Variants in MCC observed in about 807,000 individuals in gnomAD.
MCC encodes the protein MCC regulator of Wnt signaling pathway, also known as colorectal mutant cancer protein.
In MCC, 90 loss-of-function variants were observed where a neutral mutation model predicts 116.2. The ratio of observed to expected loss-of-function variants is 0.77; its 90% CI spans 0.65 to 0.92. The LOEUF (loss-of-function observed/expected upper bound fraction) is 0.92, where lower values mean the gene tolerates loss of function less well. Ranked by LOEUF, MCC falls within the 40% of genes least tolerant of loss-of-function variation. The pLI, the probability that MCC is intolerant of heterozygous loss-of-function variation, is 0.00. For synonymous variants in MCC, 578 were observed against 510.5 expected (o/e 1.13, Z -1.78); for missense variants, 1,516 against 1,312.2 (o/e 1.16, Z -2.40).
At chr5:113,034,063 C>CTT (rs35834150) in intron 17 of MCC, among the ~76,000 whole-genome samples, 58,327 of 136,078 alleles carry the variant, frequency 0.43, 13,761 homozygotes, top group East Asian at 0.61. Context: ...ATTTTTAAAA[C>CTT]TTTTTTTTTT....
At chr5:113,399,401 A>T (rs7732281) in intron 1 of MCC, among the ~76,000 whole-genome samples, 3 of 151,848 alleles carry the variant, frequency 2.0e-5, no homozygotes, top group African/African-American at 4.8e-5. Flanking sequence ...AGAAGAATGG[A>T]GTGAACCCGG....
At chr5:113,359,410 G>A (rs1227249999) in intron 2 of MCC, among the ~76,000 whole-genome samples, 3 of 152,206 alleles carry the variant, frequency 2.0e-5, no homozygotes, top group Non-Finnish European at 4.4e-5. Flanking sequence ...ATGTCTTTAA[G>A]CACAGGCCTG....
At chr5:113,308,467 C>T (rs1398618088) in intron 3 of MCC, among the ~76,000 whole-genome samples, 1 of 152,206 alleles carries the variant, frequency 6.6e-6, no homozygotes, top group East Asian at 1.9e-4. Flanking sequence ...ACTCCCTCCT[C>T]AGGTTGCCCC....
chr5:113,473,895 A>T (rs1772161371), intron 1 of MCC, among the ~76,000 whole-genome samples: 1 of 152,164 alleles, frequency 6.6e-6, no homozygotes, highest in African/African-American at 2.4e-5. Flanking sequence ...AATCCATAAA[A>T]ATCAAAGTAT....
chr5:113,400,943 CA>C (rs1769666869), intron 1 of MCC, among the ~76,000 whole-genome samples: 2 of 152,118 alleles, frequency 1.3e-5, no homozygotes, highest in African/African-American at 4.8e-5. Context: ...AGTGTCCTTC[CA>C]AAAATCCCAC....
intron 4 of MCC, 136 bp from the exon 5 acceptor site, chr5:113,143,496 C>A: frequency 1.1e-6 from 1 of 886,858 alleles, no homozygotes; most frequent in Non-Finnish European, 1.7e-6. Flanking sequence ...GTCAGCTCAT[C>A]GGCTGGCAAT....
At chr5:113,432,247 C>T (rs185344462) in intron 1 of MCC, among the ~76,000 whole-genome samples, 1 of 143,252 alleles carries the variant, frequency 7.0e-6, no homozygotes, top group Non-Finnish European at 1.5e-5. Context: ...AACCCAGAAC[C>T]GGGAGGCAGA....
intron 3 of MCC, among the ~76,000 whole-genome samples, chr5:113,259,199 A>C (rs1434676230): frequency 6.6e-6 from 1 of 152,266 alleles, no homozygotes; most frequent in African/African-American, 2.4e-5. Context: ...CAACTTCTAC[A>C]GGAACCAAAG....
chr5:113,206,235 C>T (rs1762904934), intron 3 of MCC, among the ~76,000 whole-genome samples: 2 of 152,186 alleles, frequency 1.3e-5, no homozygotes, highest in South Asian at 2.1e-4. Flanking sequence ...CCCTGGTCCT[C>T]GGATGCCCCA....
At chr5:113,378,377 A>C (rs1447253544) in intron 2 of MCC, among the ~76,000 whole-genome samples, 1 of 152,216 alleles carries the variant, frequency 6.6e-6, no homozygotes, top group East Asian at 1.9e-4. Flanking sequence ...AGGCTGACAC[A>C]TCAGGTGAGA....
chr5:113,043,082 G>A lies in MCC; in HGVS notation c.2756+448C>T, dbSNP rs986821864. 2.6e-5 allele frequency among the ~76,000 whole-genome samples: 4 copies of A among 152,256 alleles called. No homozygotes were observed. The East Asian group carries it at 5.8e-4, about 22-fold the overall frequency. On this transcript the variant is annotated intron_variant, in intron 17 of 18. Coordinates refer to ENST00000408903, the MANE Select transcript of MCC (RefSeq NM_001085377.2). Reference sequence around the variant, plus strand: ...GCAGGAGGAGATAAAGAACTGGGGGGCGGTGAGGGGAAAGAAACACTGAAA... The same window carrying A: ...GCAGGAGGAGATAAAGAACTGGGGGACGGTGAGGGGAAAGAAACACTGAAA...
chr5:113,067,530 G>A (rs955848301), intron 13 of MCC, among the ~76,000 whole-genome samples: 11 of 152,168 alleles, frequency 7.2e-5, no homozygotes, highest in African/African-American at 2.4e-4. Flanking sequence ...CCAGCTACTT[G>A]GGAGGCTGAG....
At chr5:113,368,840 G>T (rs1768767299) in intron 2 of MCC, among the ~76,000 whole-genome samples, 1 of 152,116 alleles carries the variant, frequency 6.6e-6, no homozygotes, top group Non-Finnish European at 1.5e-5. Flanking sequence ...TGCCCACCCT[G>T]CCACCCTGCC....
At chr5:113,265,753 T>C (rs1483709590) in intron 3 of MCC, among the ~76,000 whole-genome samples, 2 of 152,034 alleles carry the variant, frequency 1.3e-5, no homozygotes, top group Non-Finnish European at 2.9e-5. Flanking sequence ...CCAACCCCTC[T>C]AGTTCATACG....
At chr5:113,411,809 C>G (rs894072184) in intron 1 of MCC, among the ~76,000 whole-genome samples, 2 of 152,148 alleles carry the variant, frequency 1.3e-5, no homozygotes, top group Non-Finnish European at 2.9e-5. Flanking sequence ...GCTTTTGTTG[C>G]CATTGCTTTC....
intron 1 of MCC, among the ~76,000 whole-genome samples, chr5:113,444,484 G>A (rs1447712442): frequency 2.0e-5 from 3 of 152,194 alleles, no homozygotes; most frequent in Non-Finnish European, 4.4e-5. Flanking sequence ...CGGTCTACAT[G>A]TCCTAGTCTT....
In MCC at chr5:113,023,887, A is replaced by G. The variant is rs1253596503; in HGVS notation, c.*3415T>C. ...AAACACCTTCAGAAGGGAACAAGCA[A>G]CTATGGAGGTTCTTTAATTCATGCC... On this transcript the variant is annotated 3_prime_UTR_variant, in exon 19 of 19. Coordinates refer to ENST00000408903, the MANE Select transcript of MCC (RefSeq NM_001085377.2). The G allele has an allele frequency of 1.3e-5, 2 of 152,258 alleles. No homozygotes were observed. The highest frequency in any genetic ancestry group is 6.5e-5 in the Admixed American group (1 of 15,286). The allele number at this position is 152,258 out of a possible 1,614,324, so 9.4% of individuals were successfully genotyped here.
intron 3 of MCC, among the ~76,000 whole-genome samples, chr5:113,188,532 T>C (rs1762008002): frequency 6.6e-6 from 1 of 152,196 alleles, no homozygotes; most frequent in Non-Finnish European, 1.5e-5. Flanking sequence ...TTCATATTTA[T>C]TAAGTAAAGA....
intron 3 of MCC, among the ~76,000 whole-genome samples, chr5:113,207,298 G>C (rs923856067): frequency 6.6e-6 from 1 of 152,198 alleles, no homozygotes; most frequent in Admixed American, 6.5e-5. Flanking sequence ...AGAATTGAAT[G>C]AGATGGCAGA....
Sources: gnomAD v4.1 joint callset for allele counts (sites outside exome capture counted in the v4.1 genomes callset) on GRCh38, gnomAD v4.1.1 for gene constraint, MANE v1.5 for transcripts, NCBI Gene and HGNC (gene_info 2026-07-23, HGNC 2026-07-21) for gene names.